Variants in GBE1 observed in about 807,000 individuals in gnomAD.
GBE1 encodes 1,4-alpha-glucan-branching enzyme.
In GBE1, 70 loss-of-function variants were observed where a neutral mutation model predicts 88.8. The observed-to-expected ratio is 0.79, with a 90% confidence interval of 0.65 to 0.96. GBE1 has a LOEUF of 0.96. Among genes scored for constraint, GBE1 ranks in the 40% least tolerant of loss-of-function variants. The pLI is 0.00. For missense variants in GBE1, 872 were observed against 871.0 expected (o/e 1.00, Z -0.01); for synonymous variants, 284 against 300.1 (o/e 0.95, Z 0.56).
At chr3:81,736,923 T>G (rs1026664923) in intron 1 of GBE1, among the ~76,000 whole-genome samples, 28 of 152,184 alleles carry the variant, frequency 1.8e-4, no homozygotes, top group Non-Finnish European at 3.7e-4. Flanking sequence ...TTTAGAAAAC[T>G]CATTCTTGTA....
At chr3:81,582,046 A>T (rs1000913196) in intron 10 of GBE1, among the ~76,000 whole-genome samples, 2 of 152,048 alleles carry the variant, frequency 1.3e-5, no homozygotes, top group African/African-American at 4.8e-5. Context: ...GCCACTCCCG[A>T]CATACTATAA....
chr3:81,746,005 C>T (rs1706415497), intron 1 of GBE1, among the ~76,000 whole-genome samples: 1 of 151,980 alleles, frequency 6.6e-6, no homozygotes, highest in South Asian at 2.1e-4. Flanking sequence ...ATAAAAGAAA[C>T]TAATTTTGTA....
At chr3:81,501,686 CTTTTTTTTTTTTT>C (rs35149061) in intron 14 of GBE1, among the ~76,000 whole-genome samples, 30 of 71,998 alleles carry the variant, frequency 4.2e-4, no homozygotes, top group African/African-American at 1.5e-3. Context: ...CTTAGGGGCA[CTTTTTTTTTTTTT>C]TTTTTTTTTT....
intron 7 of GBE1, among the ~76,000 whole-genome samples, chr3:81,616,384 A>G (rs766592734): frequency 3.9e-5 from 6 of 152,128 alleles, no homozygotes; most frequent in Non-Finnish European, 5.9e-5. Context: ...ACTTTTGCAT[A>G]AGGTAGAAAA....
At chr3:81,578,547 T>C (rs1034723090) in intron 11 of GBE1, among the ~76,000 whole-genome samples, 3 of 151,316 alleles carry the variant, frequency 2.0e-5, no homozygotes, top group Non-Finnish European at 1.5e-5. Context: ...ATATGAGTAA[T>C]ATAATATGTG....
chr3:81,673,242 A>C (rs572372776), intron 2 of GBE1, among the ~76,000 whole-genome samples: 1 of 152,068 alleles, frequency 6.6e-6, no homozygotes, highest in East Asian at 1.9e-4. Context: ...CTAATCACTT[A>C]AGACAAGCAG....
At chr3:81,506,856 G>A (rs183134334) in intron 14 of GBE1, among the ~76,000 whole-genome samples, 9 of 152,266 alleles carry the variant, frequency 5.9e-5, no homozygotes, top group African/African-American at 2.2e-4. Flanking sequence ...CTTAAGCAGA[G>A]CTAAATAAGG....
intron 1 of GBE1, among the ~76,000 whole-genome samples, chr3:81,737,864 C>T (rs969675978): frequency 2.0e-5 from 3 of 152,242 alleles, no homozygotes; most frequent in South Asian, 2.1e-4. Flanking sequence ...AACTCGTCAT[C>T]TAGCATTAGG....
chr3:81,516,967 T>C (rs1702806098), intron 14 of GBE1, among the ~76,000 whole-genome samples: 1 of 151,756 alleles, frequency 6.6e-6, no homozygotes, highest in Middle Eastern at 3.4e-3. Context: ...AGTCTATTAC[T>C]GATGAAGATG....
intron 2 of GBE1, among the ~76,000 whole-genome samples, chr3:81,695,616 T>C (rs182554639): frequency 9.1e-4 from 139 of 152,320 alleles, no homozygotes; most frequent in South Asian, 2.7e-3. Context: ...CACTGAAGTG[T>C]GTACTTTAAA....
At position 81,665,389 on chromosome 3, in the gene GBE1, A is replaced by G. The variant is rs547444518; in HGVS notation, c.429+5449T>C. ...TCTACTAAAAATACAAAAAAAAATTAGCCGGGCGTGGTGGCGGGCGCCTGT... is the reference window on the plus strand; with the variant it reads ...TCTACTAAAAATACAAAAAAAAATTGGCCGGGCGTGGTGGCGGGCGCCTGT... On this transcript the variant is annotated intron_variant, in intron 3 of 15. Coordinates refer to ENST00000429644, the MANE Select transcript of GBE1 (RefSeq NM_000158.4). 3.1e-3 allele frequency among the ~76,000 whole-genome samples: 464 copies of G among 151,330 alleles called. 3 individuals carry two copies. Among genetic ancestry groups the G allele is most frequent in the Non-Finnish European group, 5.3e-3 (357 of 67,816 alleles).
At chr3:81,710,329 G>C (rs2107175230) in intron 1 of GBE1, among the ~76,000 whole-genome samples, 1 of 136,318 alleles carries the variant, frequency 7.3e-6, no homozygotes, top group East Asian at 2.5e-4. Context: ...CCGCCTCCCA[G>C]GTTCACGCCA....
At chr3:81,570,148 T>A (rs1260291201) in intron 12 of GBE1, among the ~76,000 whole-genome samples, 1 of 152,174 alleles carries the variant, frequency 6.6e-6, no homozygotes, top group Non-Finnish European at 1.5e-5. Flanking sequence ...CAATATTAAT[T>A]TTCAGACTAA....
intron 12 of GBE1, 81 bp downstream of exon 12, chr3:81,577,844 A>C: frequency 8.4e-7 from 1 of 1,183,600 alleles, no homozygotes; most frequent in Non-Finnish European, 1.2e-6. Context: ...GAAAAGCCAA[A>C]TCAAAATATT....
intron 15 of GBE1, among the ~76,000 whole-genome samples, chr3:81,493,399 T>G (rs1238825722): frequency 6.6e-6 from 1 of 152,156 alleles, no homozygotes; most frequent in Non-Finnish European, 1.5e-5. Context: ...AATTGTGATA[T>G]CTACTGTTTC....
chr3:81,738,526 G>GTT (rs145428166), intron 1 of GBE1, among the ~76,000 whole-genome samples: 8 of 146,930 alleles, frequency 5.4e-5, no homozygotes, highest in African/African-American at 1.8e-4. Context: ...AAAAATGTGT[G>GTT]TTTTTTTTTT....
At chr3:81,693,684 C>T (rs144982177) in intron 2 of GBE1, among the ~76,000 whole-genome samples, 2,690 of 152,134 alleles carry the variant, frequency 0.018, 38 homozygotes, top group Non-Finnish European at 0.028. Flanking sequence ...AATTTAAATT[C>T]TGGATCTTTC....
intron 1 of GBE1, among the ~76,000 whole-genome samples, chr3:81,709,234 C>T (rs1445714706): frequency 1.3e-5 from 2 of 152,008 alleles, no homozygotes; most frequent in Admixed American, 6.6e-5. Context: ...AAATACTTAC[C>T]TAGACGAACA....
At chr3:81,573,775 C>G (rs9309874) in intron 12 of GBE1, among the ~76,000 whole-genome samples, 48,549 of 148,410 alleles carry the variant, frequency 0.33, 8,136 homozygotes, top group East Asian at 0.44. Context: ...CTCTCTCTCT[C>G]TGTGTGTGTG....
Sources: allele counts gnomAD v4.1 joint callset (sites outside exome capture counted in the v4.1 genomes callset), GRCh38; gene constraint gnomAD v4.1.1; transcripts MANE v1.5; gene names NCBI Gene and HGNC (gene_info 2026-07-23, HGNC 2026-07-21).